GATAD1: variants seen among roughly 807,000 people sequenced by gnomAD.
GATAD1 encodes the protein GATA zinc finger domain-containing protein 1.
Under a neutral mutation model 26.5 loss-of-function variants are expected in GATAD1, and 12 were observed. The ratio of observed to expected loss-of-function variants is 0.45; its 90% CI spans 0.29 to 0.73. The LOEUF is 0.73. GATAD1 is among the 30% of genes least tolerant of loss of function. The pLI, the probability that GATAD1 is intolerant of heterozygous loss-of-function variation, is 0.10. For missense variants in GATAD1, 266 were observed against 342.1 expected, an observed-to-expected ratio of 0.78 and a Z score of 1.75; for synonymous variants, 129 against 133.1, an observed-to-expected ratio of 0.97 and a Z score of 0.21.
chr7:92,489,590 T>A, the GATAD1 span: 1 of 1,028,252 alleles, frequency 9.7e-7, no homozygotes, highest in Non-Finnish European at 1.5e-6. Flanking sequence ...CATGACTGAG[T>A]TAATGTGTTC....
chr7:92,449,308 C>T (rs1302274135), intron 2 of GATAD1: 12 of 811,052 alleles, frequency 1.5e-5, no homozygotes, highest in Non-Finnish European at 1.8e-5. Flanking sequence ...GTTATTAAAG[C>T]CCCAGAAAAT....
chr7:92,465,442 A>AC, the GATAD1 span, among the ~76,000 whole-genome samples: 1 of 151,820 alleles, frequency 6.6e-6, no homozygotes, highest in South Asian at 2.1e-4. Context: ...ACATGGTGAA[A>AC]CCCCATCTCT....
At chr7:92,469,149 G>A in the GATAD1 span, 23 of 704,782 alleles carry the variant, frequency 3.3e-5, no homozygotes, top group East Asian at 5.3e-5. Flanking sequence ...TGACGATTCC[G>A]GATTGATTAA....
chr7:92,450,888 C>G (rs908992606), intron 3 of GATAD1, 128 bp downstream of exon 3: 17 of 587,228 alleles, frequency 2.9e-5, no homozygotes, highest in African/African-American at 2.9e-4. Context: ...CTTTTTGTTC[C>G]CTTCTTAGCT....
intron 4 of GATAD1, among the ~76,000 whole-genome samples, 195 bp from the exon 5 acceptor site, chr7:92,456,177 G>A (rs1789662526): frequency 6.6e-6 from 1 of 152,098 alleles, no homozygotes; most frequent in Non-Finnish European, 1.5e-5. Context: ...ACTGTTTTTG[G>A]GAGAATGCCA....
At chr7:92,483,860 C>G in the GATAD1 span, among the ~76,000 whole-genome samples, 1 of 151,910 alleles carries the variant, frequency 6.6e-6, no homozygotes, top group African/African-American at 2.4e-5. Context: ...GGACCTGGCT[C>G]GGCCTGGTGA....
the GATAD1 span, chr7:92,470,565 TG>T: frequency 1.9e-6 from 1 of 530,982 alleles, no homozygotes; most frequent in Non-Finnish European, 3.4e-6. Flanking sequence ...TAACCGCAGT[TG>T]GGGTAGATAA....
In GATAD1 at chr7:92,454,565, T is replaced by A; in HGVS notation, c.499T>A (p.Tyr167Asn). The change falls in exon 4 of 5, where the codon TAT becomes AAT. Residue 167 changes from tyrosine to asparagine, a missense_variant. Tyr to Asn is a moderately radical substitution (Grantham distance 143). Coordinates refer to ENST00000287957, the MANE Select transcript of GATAD1 (RefSeq NM_021167.5). ...TGATGAACAAGATGGAAAGCCCTAC[T>A]ATGCTCAAATCAGAGGTTTTATCCA... ...VIDEQDGKPY[Y>N]AQIRGFIQDQ... 6.2e-7 allele frequency: 1 copy of A among 1,613,166 alleles called. No homozygotes were observed. The highest frequency in any genetic ancestry group is 8.5e-7 in the Non-Finnish European group (1 of 1,179,076).
At chr7:92,481,304 G>A in the GATAD1 span, among the ~76,000 whole-genome samples, 1 of 152,180 alleles carries the variant, frequency 6.6e-6, no homozygotes, top group Non-Finnish European at 1.5e-5. Context: ...GTCTGGGCCA[G>A]GAAGAATGGT....
At chr7:92,461,549 G>T (rs1002266637), downstream of GATAD1, 17 of 152,174 alleles carry the variant, frequency 1.1e-4, no homozygotes, top group Non-Finnish European at 2.2e-4. Flanking sequence ...AAACTGTTTA[G>T]AATTATTTGG....
intron 3 of GATAD1, 140 bp from the exon 4 acceptor site, chr7:92,454,362 C>A: frequency 1.5e-6 from 1 of 664,472 alleles, no homozygotes; most frequent in African/African-American, 1.8e-5. Flanking sequence ...TGGCACCAAA[C>A]ATATAAACAC....
the GATAD1 span, chr7:92,472,913 G>T: frequency 6.6e-6 from 1 of 152,236 alleles, no homozygotes; most frequent in East Asian, 1.9e-4. Flanking sequence ...ATGGCACAAG[G>T]TTTCTGAATG....
chr7:92,448,116 C>A (rs373603942), intron 1 of GATAD1, 138 bp downstream of exon 1: 51 of 504,846 alleles, frequency 1.0e-4, no homozygotes, highest in African/African-American at 9.7e-4. Context: ...TCCCCACCTC[C>A]TACTGAGATC....
chr7:92,490,886 A>G, the GATAD1 span, among the ~76,000 whole-genome samples: 2 of 152,234 alleles, frequency 1.3e-5, no homozygotes, highest in Non-Finnish European at 2.9e-5. Context: ...TATCACAGAT[A>G]ACACTTTGTT....
the GATAD1 span, chr7:92,470,302 C>T: frequency 1.3e-6 from 1 of 777,600 alleles, no homozygotes; most frequent in Admixed American, 1.7e-5. Flanking sequence ...ACTGGTCATA[C>T]AGCGGCATGG....
the GATAD1 span, chr7:92,477,940 G>A: frequency 6.6e-6 from 1 of 152,580 alleles, no homozygotes; most frequent in Non-Finnish European, 1.5e-5. Context: ...CCCAAAGGGG[G>A]GCTGCTGTTG....
the GATAD1 span, chr7:92,489,646 A>G: frequency 2.2e-6 from 3 of 1,394,930 alleles, no homozygotes; most frequent in African/African-American, 4.3e-5. Flanking sequence ...TCAAAGAAAT[A>G]TATATCAAAA....
At chr7:92,463,432 A>G (rs545883698), downstream of GATAD1, among the ~76,000 whole-genome samples, 5 of 152,222 alleles carry the variant, frequency 3.3e-5, no homozygotes, top group South Asian at 2.1e-4. Flanking sequence ...CAGGCGGATC[A>G]TGAGGTCAGG....
intron 3 of GATAD1, among the ~76,000 whole-genome samples, chr7:92,453,830 C>G (rs553484402): frequency 4.8e-4 from 73 of 152,216 alleles, no homozygotes; most frequent in African/African-American, 1.7e-3. Context: ...TTCAGCAAGC[C>G]GTTTAACCTT....
Sources: allele counts gnomAD v4.1 joint callset (sites outside exome capture counted in the v4.1 genomes callset), GRCh38; gene constraint gnomAD v4.1.1; transcripts MANE v1.5; gene names NCBI Gene and HGNC (gene_info 2026-07-23, HGNC 2026-07-21).